The following ROBO2 variants were observed in gnomAD, a reference collection of about 807,000 sequenced individuals.
ROBO2 encodes roundabout homolog 2.
A neutral mutation model predicts 160.8 loss-of-function variants in ROBO2; 53 were observed. The observed-to-expected ratio is 0.33, with a 90% CI of 0.26 to 0.41. The LOEUF is 0.41. Ranked by LOEUF, ROBO2 falls within the 10% of genes least tolerant of loss-of-function variation. ROBO2 has a pLI of 1.00. For missense variants in ROBO2, 1,577 were observed against 1,722.4 expected, an observed-to-expected ratio of 0.92 and a Z score of 1.49; for synonymous variants, 664 against 611.7, an observed-to-expected ratio of 1.09 and a Z score of -1.26.
intron 2 of ROBO2, among the ~76,000 whole-genome samples, chr3:76,004,097 G>C (rs757855556): frequency 1.3e-5 from 2 of 152,156 alleles, no homozygotes; most frequent in Non-Finnish European, 2.9e-5. Context: ...GGACCCATTT[G>C]CTAATGTTTA....
At chr3:76,226,462 T>C (rs1704292764) in intron 2 of ROBO2, among the ~76,000 whole-genome samples, 2 of 152,144 alleles carry the variant, frequency 1.3e-5, no homozygotes. Context: ...AATTGTCACA[T>C]ATTTCTGTCT....
intron 2 of ROBO2, among the ~76,000 whole-genome samples, chr3:77,188,152 A>G (rs2081454497): frequency 6.6e-6 from 1 of 151,874 alleles, no homozygotes; most frequent in Non-Finnish European, 1.5e-5. Context: ...TATCAGTGTT[A>G]CTAAAAAAAA....
chr3:76,758,604 T>A (rs2061119541), intron 2 of ROBO2, among the ~76,000 whole-genome samples: 1 of 151,826 alleles, frequency 6.6e-6, no homozygotes, highest in Admixed American at 6.6e-5. Flanking sequence ...TTTTGAGGAT[T>A]GCACCAACCC....
intron 2 of ROBO2, among the ~76,000 whole-genome samples, chr3:77,010,020 G>T (rs1205167078): frequency 6.7e-6 from 1 of 150,148 alleles, no homozygotes; most frequent in Admixed American, 6.6e-5. Flanking sequence ...TTGCCTTTTA[G>T]GTTTATTTGG....
intron 16 of ROBO2, among the ~76,000 whole-genome samples, chr3:77,588,249 A>G (rs1363300336): frequency 1.3e-5 from 2 of 152,054 alleles, no homozygotes; most frequent in African/African-American, 4.8e-5. Context: ...AAATTAAAGG[A>G]TATTGGCTCA....
chr3:75,989,550 A>G (rs2065507417), intron 2 of ROBO2, among the ~76,000 whole-genome samples: 1 of 152,186 alleles, frequency 6.6e-6, no homozygotes, highest in South Asian at 2.1e-4. Context: ...ACTATTTTAT[A>G]ATTTACAACA....
At chr3:77,386,795 G>A (rs1225547580) in intron 2 of ROBO2, among the ~76,000 whole-genome samples, 1 of 151,396 alleles carries the variant, frequency 6.6e-6, no homozygotes, top group South Asian at 2.1e-4. Context: ...TAGAGACAAG[G>A]TTTCACCAGG....
At chr3:77,551,345 CT>C (rs1349059883) in intron 8 of ROBO2, among the ~76,000 whole-genome samples, 3 of 151,970 alleles carry the variant, frequency 2.0e-5, no homozygotes, top group African/African-American at 7.2e-5. Flanking sequence ...TTATTTCACT[CT>C]AGGAGGAGGT....
At chr3:76,769,549 G>T (rs2061766347) in intron 2 of ROBO2, among the ~76,000 whole-genome samples, 1 of 151,328 alleles carries the variant, frequency 6.6e-6, no homozygotes, top group Non-Finnish European at 1.5e-5. Context: ...AATAACTATT[G>T]TCATAAGACA....
intron 2 of ROBO2, among the ~76,000 whole-genome samples, chr3:77,395,106 GCAGTATTTGCTATTTTCTACCCTCCCTC>G (rs1422818261): frequency 6.6e-6 from 1 of 152,072 alleles, no homozygotes; most frequent in Non-Finnish European, 1.5e-5. Flanking sequence ...AGAGCGTAAT[GCAGTATTTGCTATTTTCTACCCTCCCTC>G]CTCCATATAG....
chr3:77,260,924 A>T (rs991312095), intron 2 of ROBO2, among the ~76,000 whole-genome samples: 8 of 152,100 alleles, frequency 5.3e-5, no homozygotes, highest in Non-Finnish European at 1.5e-5. Flanking sequence ...TCAGACAAGG[A>T]ACATGAAGGA....
intron 2 of ROBO2, among the ~76,000 whole-genome samples, chr3:76,701,429 T>C (rs565754026): frequency 6.6e-6 from 1 of 152,170 alleles, no homozygotes; most frequent in South Asian, 2.1e-4. Flanking sequence ...GCAATTTAAT[T>C]TGATTATTAG....
intron 2 of ROBO2, among the ~76,000 whole-genome samples, chr3:77,102,849 C>CAA (rs35802711): frequency 3.1e-4 from 33 of 107,538 alleles, no homozygotes; most frequent in African/African-American, 7.2e-4. Flanking sequence ...TCTTAGTTTG[C>CAA]AAAAAAAAAA....
chr3:76,585,797 T>C (rs946883622), intron 2 of ROBO2, among the ~76,000 whole-genome samples: 7 of 152,206 alleles, frequency 4.6e-5, no homozygotes, highest in African/African-American at 9.6e-5. Context: ...CAGGTGTGTT[T>C]GGCAGAATTT....
At chr3:76,695,738 A>G (rs925626830) in intron 2 of ROBO2, among the ~76,000 whole-genome samples, 1 of 152,120 alleles carries the variant, frequency 6.6e-6, no homozygotes, top group Non-Finnish European at 1.5e-5. Flanking sequence ...TCGTTCTCCC[A>G]TTTTATAGAC....
rs150245527 is a variant in ROBO2 at position 76,221,181 on chromosome 3, T to G, written c.109+283579T>G. On this transcript the variant is annotated intron_variant, in intron 2 of 26. Coordinates refer to the ROBO2 transcript ENST00000487694. ...AAGCATTCCTCCATCTAGAACTAAG[T>G]CCTCTTGCCCAACAGAAGATAAAGT... Among the ~76,000 whole-genome samples the G allele has an allele frequency of 5.9e-5, 9 of 152,354 alleles. No individual in the cohort carries two copies. In the East Asian group the frequency reaches 1.7e-3, roughly 29 times the overall value.
At chr3:76,938,365 C>A (rs1052957712) in intron 2 of ROBO2, among the ~76,000 whole-genome samples, 1 of 147,922 alleles carries the variant, frequency 6.8e-6, no homozygotes, top group African/African-American at 2.5e-5. Flanking sequence ...ACCTACCCCC[C>A]CCAAAAAAGG....
chr3:77,467,596 T>TATC (rs1399275190), intron 2 of ROBO2, among the ~76,000 whole-genome samples: 2 of 143,006 alleles, frequency 1.4e-5, no homozygotes, highest in Non-Finnish European at 3.0e-5. Context: ...TGTATCTATC[T>TATC]ATCTATCTAT....
chr3:76,810,447 A>G (rs2065073624), intron 2 of ROBO2, among the ~76,000 whole-genome samples: 1 of 152,144 alleles, frequency 6.6e-6, no homozygotes, highest in South Asian at 2.1e-4. Flanking sequence ...AAACAGAGAA[A>G]AAAGATGACA....
Sources: allele counts gnomAD v4.1 joint callset (sites outside exome capture counted in the v4.1 genomes callset), GRCh38; gene constraint gnomAD v4.1.1; transcripts MANE v1.5; gene names NCBI Gene and HGNC (gene_info 2026-07-23, HGNC 2026-07-21).